The following TMEM108 variants were observed in gnomAD, a reference collection of about 807,000 sequenced individuals.
The protein encoded by TMEM108 is transmembrane protein 108.
In TMEM108, 12 loss-of-function variants were observed where a neutral mutation model predicts 35.1. The ratio of observed to expected loss-of-function variants is 0.34; its 90% CI spans 0.22 to 0.55. The LOEUF (loss-of-function observed/expected upper bound fraction) is 0.55. Ranked by LOEUF, TMEM108 falls within the 20% of genes least tolerant of loss-of-function variation. The pLI, the probability that TMEM108 is intolerant of heterozygous loss-of-function variation, is 0.89. For missense variants in TMEM108, 680 were observed against 753.3 expected (o/e 0.90, Z 1.14); for synonymous variants, 287 against 308.6 (o/e 0.93, Z 0.73).
chr3:133,071,710 G>A (rs1943678121), intron 2 of TMEM108, among the ~76,000 whole-genome samples: 1 of 151,918 alleles, frequency 6.6e-6, no homozygotes, highest in South Asian at 2.1e-4. Flanking sequence ...TTGAGTTGTG[G>A]GAGTTCTTTC....
intron 3 of TMEM108, among the ~76,000 whole-genome samples, chr3:133,295,259 G>A (rs1319562068): frequency 1.3e-5 from 2 of 152,158 alleles, no homozygotes; most frequent in African/African-American, 4.8e-5. Flanking sequence ...CATAGCATTT[G>A]AGATCTGGAA....
intron 2 of TMEM108, among the ~76,000 whole-genome samples, chr3:133,157,106 A>C (rs755055318): frequency 2.6e-4 from 40 of 152,262 alleles, no homozygotes; most frequent in Non-Finnish European, 5.0e-4. Context: ...GAGTACCTGG[A>C]TATCCAGGTT....
intron 2 of TMEM108, among the ~76,000 whole-genome samples, chr3:133,076,044 T>A (rs1943738842): frequency 6.6e-6 from 1 of 152,084 alleles, no homozygotes; most frequent in Non-Finnish European, 1.5e-5. Flanking sequence ...CACAAAGGAA[T>A]GTGGTGCTGA....
rs17359938 is a variant in TMEM108 at position 133,075,779 on chromosome 3, C to T, written c.-47+29759C>T. Among the ~76,000 whole-genome samples the T allele has an allele frequency of 8.1e-4, 124 of 152,220 alleles. No individual in the cohort carries two copies. In the Middle Eastern group the frequency reaches 0.017, roughly 21 times the overall value. ...GGGGAAAGATCAGAAGCTATTTCGC[C>T]CATCCTGTGTTTTGTTGCTGTGGGA... On this transcript the variant is annotated intron_variant, in intron 2 of 5. Coordinates refer to ENST00000321871, the MANE Select transcript of TMEM108 (RefSeq NM_023943.4).
At chr3:133,042,848 T>G (rs1943291318) in intron 1 of TMEM108, among the ~76,000 whole-genome samples, 2 of 152,196 alleles carry the variant, frequency 1.3e-5, no homozygotes, top group Non-Finnish European at 1.5e-5. Flanking sequence ...CAATGCTGCT[T>G]TATTTCATCT....
chr3:133,197,707 T>TTCCAGCA (rs1945599509), intron 2 of TMEM108, among the ~76,000 whole-genome samples: 1 of 151,914 alleles, frequency 6.6e-6, no homozygotes, highest in Non-Finnish European at 1.5e-5. Context: ...ATGATATGAG[T>TTCCAGCA]TGAAGGCTGT....
At chr3:133,151,503 G>A (rs1219191515) in intron 2 of TMEM108, among the ~76,000 whole-genome samples, 1 of 152,040 alleles carries the variant, frequency 6.6e-6, no homozygotes, top group African/African-American at 2.4e-5. Flanking sequence ...TCTTTGTAGA[G>A]CCATTTTATC....
intron 2 of TMEM108, among the ~76,000 whole-genome samples, chr3:133,180,616 A>G (rs973621486): frequency 6.6e-6 from 1 of 152,186 alleles, no homozygotes; most frequent in Non-Finnish European, 1.5e-5. Context: ...ATGTGTTTAA[A>G]TGAATCTTTT....
intron 3 of TMEM108, among the ~76,000 whole-genome samples, chr3:133,233,131 C>G (rs1946179286): frequency 1.3e-5 from 2 of 151,344 alleles, no homozygotes; most frequent in South Asian, 4.2e-4. Context: ...TGCTGGTGTG[C>G]TGCACCCATT....
intron 3 of TMEM108, among the ~76,000 whole-genome samples, chr3:133,360,301 C>G (rs1559926381): frequency 6.6e-6 from 1 of 152,118 alleles, no homozygotes; most frequent in East Asian, 1.9e-4. Context: ...TTTGCCAAAA[C>G]TCGCCAATCT....
chr3:133,116,317 G>T (rs1576326583), intron 2 of TMEM108, among the ~76,000 whole-genome samples: 1 of 152,066 alleles, frequency 6.6e-6, no homozygotes, highest in South Asian at 2.1e-4. Flanking sequence ...TTGGATAGGG[G>T]CACTTTGCAA....
intron 2 of TMEM108, among the ~76,000 whole-genome samples, chr3:133,144,504 G>C (rs748098596): frequency 1.3e-5 from 2 of 152,144 alleles, no homozygotes; most frequent in Non-Finnish European, 2.9e-5. Context: ...GGGATTACTG[G>C]GTCAAGTGGT....
chr3:133,282,602 TCCC>T (rs1241748220), intron 3 of TMEM108, among the ~76,000 whole-genome samples: 3 of 152,170 alleles, frequency 2.0e-5, no homozygotes, highest in African/African-American at 7.2e-5. Flanking sequence ...CCAAGAAGAA[TCCC>T]CTGTACCTGG....
chr3:133,325,132 A>G lies in TMEM108; in HGVS notation c.41-54620A>G, dbSNP rs1279167165. On this transcript the variant is annotated intron_variant, in intron 3 of 5. Coordinates refer to ENST00000321871, the MANE Select transcript of TMEM108 (RefSeq NM_023943.4). Reference sequence around the variant, plus strand: ...TGATGAAATATGGTATATGTACACCATGGAGAGCTACTCAGCCATAAAAAA... The same window carrying G: ...TGATGAAATATGGTATATGTACACCGTGGAGAGCTACTCAGCCATAAAAAA... 3.9e-5 allele frequency among the ~76,000 whole-genome samples: 6 copies of G among 152,206 alleles called. No individual in the cohort carries two copies. In the East Asian group the frequency reaches 1.2e-3, roughly 29 times the overall value.
intron 2 of TMEM108, among the ~76,000 whole-genome samples, chr3:133,087,438 A>G (rs547434884): frequency 2.6e-5 from 4 of 152,334 alleles, no homozygotes; most frequent in African/African-American, 4.8e-5. Context: ...CTGGGAGATC[A>G]GACAGTGGTT....
At chr3:133,057,705 A>T (rs1943487977) in intron 2 of TMEM108, among the ~76,000 whole-genome samples, 1 of 152,112 alleles carries the variant, frequency 6.6e-6, no homozygotes, top group Non-Finnish European at 1.5e-5. Flanking sequence ...GTGGTATGAA[A>T]AAAATCTATC....
chr3:133,209,215 T>A (rs1945801621), intron 2 of TMEM108, among the ~76,000 whole-genome samples: 1 of 151,446 alleles, frequency 6.6e-6, no homozygotes, highest in South Asian at 2.1e-4. Flanking sequence ...CTAATTTTTT[T>A]TTTTTTTTTA....
At chr3:133,082,866 C>T (rs1943830412) in intron 2 of TMEM108, among the ~76,000 whole-genome samples, 1 of 152,096 alleles carries the variant, frequency 6.6e-6, no homozygotes, top group African/African-American at 2.4e-5. Flanking sequence ...ATCGTCCAGG[C>T]TGGTCTTGAA....
At chr3:133,081,207 G>A (rs534415012) in intron 2 of TMEM108, among the ~76,000 whole-genome samples, 6 of 152,330 alleles carry the variant, frequency 3.9e-5, no homozygotes, top group African/African-American at 1.4e-4. Context: ...AGACTGGGCG[G>A]TTTGACAAGA....
Sources: gnomAD v4.1 joint callset for allele counts (sites outside exome capture counted in the v4.1 genomes callset) on GRCh38, gnomAD v4.1.1 for gene constraint, MANE v1.5 for transcripts, NCBI Gene and HGNC (gene_info 2026-07-23, HGNC 2026-07-21) for gene names.